DTWD2: variants seen among roughly 807,000 people sequenced by gnomAD.
DTWD2 encodes DTW motif tRNA-uridine aminocarboxypropyltransferase 2, also known as tRNA-uridine aminocarboxypropyltransferase 2.
Under a neutral mutation model 31.8 loss-of-function variants are expected in DTWD2, and 39 were observed. The observed-to-expected ratio is 1.22, with a 90% CI of 0.95 to 1.60. The LOEUF (loss-of-function observed/expected upper bound fraction) is 1.60, where lower values mean the gene tolerates loss of function less well. Ranked by LOEUF, DTWD2 falls within the 40% of genes most tolerant of loss-of-function variation. The pLI is 0.00. For synonymous variants in DTWD2, 180 were observed against 142.8 expected (o/e 1.26, Z -1.86); for missense variants, 515 against 381.5 (o/e 1.35, Z -2.92).
intron 4 of DTWD2, among the ~76,000 whole-genome samples, chr5:118,852,499 C>T (rs968936224): frequency 6.6e-6 from 1 of 152,026 alleles, no homozygotes; most frequent in African/African-American, 2.4e-5. Context: ...ATTCCCACAA[C>T]AAAAAATCAC....
chr5:118,909,638 G>C (rs950257057), intron 4 of DTWD2, among the ~76,000 whole-genome samples: 30 of 152,286 alleles, frequency 2.0e-4, no homozygotes, highest in Admixed American at 1.7e-3. Flanking sequence ...GACCCTGCAA[G>C]CGCACACATG....
chr5:118,836,619 T>C lies in DTWD2; in HGVS notation c.*4298A>G, dbSNP rs1751575326. Among the ~76,000 whole-genome samples, 1 of 152,234 alleles carries C rather than the reference T, an allele frequency of 6.6e-6. No homozygotes were observed. Among genetic ancestry groups the C allele is most frequent in the African/African-American group, 2.4e-5 (1 of 41,458 alleles). ...TAGTAGAGTACAGGAGTTGCTATGG[T>C]CTGAATATTTGTGTCCCCACAAAAC... On this transcript the variant is annotated 3_prime_UTR_variant, in exon 6 of 6. Coordinates refer to ENST00000510708, the MANE Select transcript of DTWD2 (RefSeq NM_173666.4).
intron 4 of DTWD2, among the ~76,000 whole-genome samples, chr5:118,868,126 G>A (rs1752419854): frequency 6.6e-6 from 1 of 152,060 alleles, no homozygotes; most frequent in African/African-American, 2.4e-5. Flanking sequence ...ATGGTAAAAT[G>A]ATTTTCAATA....
intron 1 of DTWD2, among the ~76,000 whole-genome samples, chr5:118,985,617 C>T (rs1755410432): frequency 6.6e-6 from 1 of 150,902 alleles, no homozygotes; most frequent in Admixed American, 6.6e-5. Context: ...ACTTGGTGAA[C>T]ATGCATCCTT....
intron 4 of DTWD2, among the ~76,000 whole-genome samples, chr5:118,878,186 A>G (rs759623882): frequency 6.6e-6 from 1 of 152,216 alleles, no homozygotes; most frequent in Non-Finnish European, 1.5e-5. Flanking sequence ...GGAACCAAAA[A>G]AGAGCCCAAA....
At position 118,837,365 on chromosome 5, in the gene DTWD2, T is replaced by C. The variant is rs1751597080; in HGVS notation, c.*3552A>G. 1.3e-5 allele frequency: 2 copies of C among 152,346 alleles called. No individual in the cohort carries two copies. The highest frequency in any genetic ancestry group is 4.1e-4 in the South Asian group (2 of 4,832). The allele number at this position is 152,346 out of a possible 1,614,324, so 9.4% of individuals were successfully genotyped here. On this transcript the variant is annotated 3_prime_UTR_variant, in exon 6 of 6. Coordinates refer to ENST00000510708, the MANE Select transcript of DTWD2 (RefSeq NM_173666.4). The stretch of plus-strand genomic sequence containing the variant: ...ATTCATAAAAATATCCATCCATACC[T>C]ATTTTAAAGAAATACATCTACATAG...
intron 4 of DTWD2, among the ~76,000 whole-genome samples, chr5:118,920,722 T>A (rs1031616343): frequency 2.0e-5 from 3 of 152,220 alleles, no homozygotes; most frequent in East Asian, 1.9e-4. Flanking sequence ...TGGGCCAGGA[T>A]ACTACTTAGA....
At chr5:118,945,564 A>G (rs531596917) in intron 1 of DTWD2, among the ~76,000 whole-genome samples, 2 of 152,138 alleles carry the variant, frequency 1.3e-5, no homozygotes, top group Non-Finnish European at 2.9e-5. Context: ...CAAGAGTTCA[A>G]GACCAGCCTG....
intron 4 of DTWD2, among the ~76,000 whole-genome samples, chr5:118,865,452 T>C (rs747534499): frequency 6.6e-6 from 1 of 151,640 alleles, no homozygotes; most frequent in South Asian, 2.1e-4. Context: ...AAAAAAAAAA[T>C]AAATAAAAAG....
chr5:118,879,595 G>A (rs888423148), intron 4 of DTWD2, among the ~76,000 whole-genome samples: 1 of 142,302 alleles, frequency 7.0e-6, no homozygotes, highest in African/African-American at 2.6e-5. Flanking sequence ...GGGCGACAGA[G>A]CGAGACTACA....
chr5:118,911,976 A>G (rs77755521), intron 4 of DTWD2, among the ~76,000 whole-genome samples: 4,212 of 152,324 alleles, frequency 0.028, 198 homozygotes, highest in African/African-American at 0.096. Flanking sequence ...CACGTCACTC[A>G]GCTCTGGCAT....
In DTWD2 at chr5:118,837,124, G is replaced by C. The variant is rs1751589924; in HGVS notation, c.*3793C>G. ...ACATACAATAAGAATAGTATAAAAG[G>C]GAAGGGGAACAATGTAGGTGATGAA... On this transcript the variant is annotated 3_prime_UTR_variant, in exon 6 of 6. Coordinates refer to ENST00000510708, the MANE Select transcript of DTWD2 (RefSeq NM_173666.4). Among the ~76,000 whole-genome samples, 1 of 152,106 alleles carries C rather than the reference G, an allele frequency of 6.6e-6. No individual in the cohort carries two copies. The highest frequency in any genetic ancestry group is 2.4e-5 in the African/African-American group (1 of 41,430).
intron 1 of DTWD2, among the ~76,000 whole-genome samples, chr5:118,962,962 T>C (rs1580440694): frequency 6.6e-6 from 1 of 152,316 alleles, no homozygotes; most frequent in Middle Eastern, 3.4e-3. Context: ...TAACACATAG[T>C]TCTATCCAGC....
At chr5:118,934,753 G>A (rs2149581845) in intron 3 of DTWD2, among the ~76,000 whole-genome samples, 1 of 152,180 alleles carries the variant, frequency 6.6e-6, no homozygotes, top group South Asian at 2.1e-4. Context: ...CCAGGAAAAT[G>A]AAATAAACTC....
intron 4 of DTWD2, among the ~76,000 whole-genome samples, chr5:118,850,477 CAAAA>C (rs34808087): frequency 0.062 from 1,846 of 29,640 alleles, 2 homozygotes; most frequent in African/African-American, 0.089. Context: ...GACCCCACCA[CAAAA>C]AAAAAAAAAA....
chr5:118,980,759 A>G (rs564343957), intron 1 of DTWD2, among the ~76,000 whole-genome samples: 22 of 152,222 alleles, frequency 1.4e-4, no homozygotes, highest in Non-Finnish European at 2.9e-4. Flanking sequence ...TTCCTCAAAA[A>G]GTTAAACATA....
At chr5:118,900,707 A>G (rs567333389) in intron 4 of DTWD2, among the ~76,000 whole-genome samples, 1 of 152,184 alleles carries the variant, frequency 6.6e-6, no homozygotes, top group South Asian at 2.1e-4. Flanking sequence ...CGGGCAGATC[A>G]CAAGGTCAGG....
intron 4 of DTWD2, among the ~76,000 whole-genome samples, chr5:118,855,853 C>T (rs1374160363): frequency 2.6e-5 from 4 of 151,944 alleles, no homozygotes; most frequent in Admixed American, 6.6e-5. Flanking sequence ...CCAGAGAAAA[C>T]GACTATTTAC....
chr5:118,880,115 C>A (rs1251267476), intron 4 of DTWD2, among the ~76,000 whole-genome samples: 1 of 152,164 alleles, frequency 6.6e-6, no homozygotes, highest in East Asian at 1.9e-4. Context: ...TAAAGTTGCA[C>A]TAGTGCTCAA....
Sources: allele counts gnomAD v4.1 joint callset (sites outside exome capture counted in the v4.1 genomes callset), GRCh38; gene constraint gnomAD v4.1.1; transcripts MANE v1.5; gene names NCBI Gene and HGNC (gene_info 2026-07-23, HGNC 2026-07-21).